PHACTR2: variants seen among roughly 807,000 people sequenced by gnomAD.
PHACTR2 encodes the protein phosphatase and actin regulator 2.
A neutral mutation model predicts 76.0 loss-of-function variants in PHACTR2; 30 were observed. That is an observed-to-expected ratio of 0.39 (90% CI 0.30 to 0.54). The LOEUF is 0.54. Ranked by LOEUF, PHACTR2 falls within the 20% of genes least tolerant of loss-of-function variation. The pLI is 0.61. For synonymous variants in PHACTR2, 292 were observed against 292.5 expected (o/e 1.00, Z 0.02); for missense variants, 696 against 781.1 (o/e 0.89, Z 1.30).
chr6:143,576,252 C>T (rs1775506510), intron 1 of PHACTR2, among the ~76,000 whole-genome samples: 1 of 152,162 alleles, frequency 6.6e-6, no homozygotes, highest in Admixed American at 6.5e-5. Flanking sequence ...GGAAGAGATG[C>T]TGCTGTATAA....
chr6:143,630,077 A>C (rs1170910948), intron 1 of PHACTR2, among the ~76,000 whole-genome samples: 1 of 151,726 alleles, frequency 6.6e-6, no homozygotes, highest in African/African-American at 2.4e-5. Flanking sequence ...TGGATACATG[A>C]CCAAAATAAC....
chr6:143,605,559 G>A (rs892020364), upstream of PHACTR2, among the ~76,000 whole-genome samples: 2 of 152,164 alleles, frequency 1.3e-5, no homozygotes, highest in Admixed American at 1.3e-4. The surrounding 1 kb of genome is among the most constrained non-coding windows in gnomAD (Gnocchi z 5.0). Context: ...ACAGAGGAGG[G>A]GCAGTGGTGG....
intron 12 of PHACTR2, among the ~76,000 whole-genome samples, chr6:143,813,512 A>G (rs1008708078): frequency 2.6e-5 from 4 of 151,014 alleles, no homozygotes; most frequent in Non-Finnish European, 5.9e-5. Context: ...CAGCTACTCC[A>G]GAGGCTGAGG....
chr6:143,687,808 C>T (rs1777556656), intron 1 of PHACTR2, among the ~76,000 whole-genome samples: 1 of 152,126 alleles, frequency 6.6e-6, no homozygotes. Flanking sequence ...GAAAGCTGTG[C>T]TGGTATGTGC....
rs1320792049 is a variant in PHACTR2, at chr6:143,597,653, G to C, written c.217+60446G>C. 6.6e-6 allele frequency among the ~76,000 whole-genome samples: 1 copy of C among 152,074 alleles called. No homozygotes were observed. Among genetic ancestry groups the C allele is most frequent in the Non-Finnish European group, 1.5e-5 (1 of 68,014 alleles). ...TGATTCCCCCTTCAAACAATACATG[G>C]TTCCATTTGTGTTCTAGCATAGAGG... On this transcript the variant is annotated intron_variant, in intron 1 of 11. Coordinates refer to the PHACTR2 transcript ENST00000367584. This position sits in a 1 kb window ranked among gnomAD's most constrained non-coding sequence, Gnocchi z 5.7.
Position 143,633,819 on chromosome 6 carries a change from G to T in PHACTR2, c.13+25497G>T, listed in dbSNP as rs1230136946. On this transcript the variant is annotated intron_variant, in intron 1 of 11. Coordinates refer to the PHACTR2 transcript ENST00000305766. This position sits in a 1 kb window ranked among gnomAD's most constrained non-coding sequence, Gnocchi z 4.1. The stretch of plus-strand genomic sequence containing the variant: ...TAATCGATTTTGATATTTTATAAAG[G>T]TCTCTGTCTAGATTCATTTTTTCGC... 6.6e-6 allele frequency among the ~76,000 whole-genome samples: 1 copy of T among 152,028 alleles called. No individual in the cohort carries two copies. Among genetic ancestry groups the T allele is most frequent in the African/African-American group, 2.4e-5 (1 of 41,394 alleles).
chr6:143,759,628 GA>G (rs35602024), intron 4 of PHACTR2, among the ~76,000 whole-genome samples: 16,812 of 108,476 alleles, frequency 0.15, 962 homozygotes, highest in Middle Eastern at 0.26. Flanking sequence ...GACCCTATCT[GA>G]AAAAAAAAAA....
At chr6:143,808,038 C>G (rs75201597) in intron 12 of PHACTR2, among the ~76,000 whole-genome samples, 4,301 of 152,246 alleles carry the variant, frequency 0.028, 116 homozygotes, top group Non-Finnish European at 0.036. Flanking sequence ...TCTTGTGTGC[C>G]AGAGAAACTC....
chr6:143,829,412 T>TA lies in PHACTR2; in HGVS notation c.*5725dup, dbSNP rs1452647258. On this transcript the variant is annotated 3_prime_UTR_variant, in exon 13 of 13. Transcript: ENST00000440869. ...CAAATGAATCACCTGCTTATCCTAT[T>TA]AACGAAGCATTTAATTCACACACAA... The TA allele has an allele frequency of 2.6e-5, 4 of 152,260 alleles. No homozygotes were observed. The highest frequency in any genetic ancestry group is 7.2e-5 in the African/African-American group (3 of 41,550). 9.4% of individuals were successfully genotyped at this position (152,260 alleles called of 1,614,324 possible).
intron 2 of PHACTR2, among the ~76,000 whole-genome samples, chr6:143,725,820 C>CAAAAA (rs35596471): frequency 1.1e-4 from 14 of 132,064 alleles, no homozygotes; most frequent in African/African-American, 4.0e-4. Flanking sequence ...GACTCTGTCT[C>CAAAAA]AAAAAAAAAA....
chr6:143,593,595 G>A (rs1021259687), intron 1 of PHACTR2, among the ~76,000 whole-genome samples: 1 of 152,132 alleles, frequency 6.6e-6, no homozygotes, highest in Non-Finnish European at 1.5e-5. Flanking sequence ...AGCAATTTAA[G>A]TAAAACCTAA....
chr6:143,766,639 T>C lies in PHACTR2; in HGVS notation c.1232+841T>C, dbSNP rs146212863. Among the ~76,000 whole-genome samples the C allele has an allele frequency of 2.6e-4, 40 of 152,294 alleles. No homozygotes were observed. The East Asian group carries it at 7.5e-3, about 29-fold the overall frequency. ...CATTTAAGAAGGTACCTGAACAAAA[T>C]GGGCCAAGGAACTCAATGTTACCTC... On this transcript the variant is annotated intron_variant, in intron 6 of 12. Transcript: ENST00000440869.
At chr6:143,630,813 C>G (rs1156821373) in intron 1 of PHACTR2, among the ~76,000 whole-genome samples, 1 of 152,188 alleles carries the variant, frequency 6.6e-6, no homozygotes, top group Non-Finnish European at 1.5e-5. Context: ...TGGTATGGAT[C>G]AGCCTTTGGA....
At chr6:143,740,644 G>T (rs920673881) in intron 2 of PHACTR2, among the ~76,000 whole-genome samples, 1 of 152,200 alleles carries the variant, frequency 6.6e-6, no homozygotes, top group Non-Finnish European at 1.5e-5. Flanking sequence ...GGGAGGCGGG[G>T]TGAGAGTGAG....
chr6:143,822,173 A>G lies in PHACTR2; in HGVS notation c.1923-1501A>G, dbSNP rs1297366407. Among the ~76,000 whole-genome samples the G allele has an allele frequency of 6.6e-6, 1 of 152,072 alleles. No homozygotes were observed. ...CTTACTTGCTACTCCAGGAACTTTAAATTTTATTTTGTTGGCTTTCTTATT... is the reference window on the plus strand; with the variant it reads ...CTTACTTGCTACTCCAGGAACTTTAGATTTTATTTTGTTGGCTTTCTTATT... On this transcript the variant is annotated intron_variant, in intron 12 of 12. Transcript: ENST00000440869. The surrounding 1 kb of genome is among the most constrained non-coding windows in gnomAD (Gnocchi z 5.5).
At chr6:143,762,490 C>T (rs922777710) in intron 5 of PHACTR2, among the ~76,000 whole-genome samples, 4 of 152,144 alleles carry the variant, frequency 2.6e-5, no homozygotes, top group African/African-American at 7.2e-5. Flanking sequence ...ACAGGGGTTG[C>T]ACTTAAGTAC....
At position 143,695,810 on chromosome 6, in the gene PHACTR2, A is replaced by G. The variant is rs1190866590; in HGVS notation, c.47-16206A>G. On this transcript the variant is annotated intron_variant, in intron 1 of 12. Coordinates refer to ENST00000440869, the MANE Select transcript of PHACTR2 (RefSeq NM_001100164.2). The surrounding 1 kb of genome is among the most constrained non-coding windows in gnomAD (Gnocchi z 4.4). The stretch of plus-strand genomic sequence containing the variant: ...CTTTCTTTTCTCTTTAGATTGTGAC[A>G]TTAGGCACATGTGGAAACAACAGTA... Among the ~76,000 whole-genome samples, 1 of 152,186 alleles carries G rather than the reference A, an allele frequency of 6.6e-6. No individual in the cohort carries two copies. Among genetic ancestry groups the G allele is most frequent in the Non-Finnish European group, 1.5e-5 (1 of 68,016 alleles).
At chr6:143,545,921 G>A (rs1328375041) in intron 1 of PHACTR2, among the ~76,000 whole-genome samples, 2 of 152,168 alleles carry the variant, frequency 1.3e-5, no homozygotes, top group African/African-American at 2.4e-5. Context: ...TGACTTACTC[G>A]TGATGGAGTG....
At chr6:143,790,498 C>T (rs1775657098) in intron 11 of PHACTR2, among the ~76,000 whole-genome samples, 1 of 151,988 alleles carries the variant, frequency 6.6e-6, no homozygotes, top group Non-Finnish European at 1.5e-5. Context: ...TTTTACTTTG[C>T]CTTTCGTTCA....
Sources: allele counts gnomAD v4.1 joint callset (sites outside exome capture counted in the v4.1 genomes callset), GRCh38; gene constraint gnomAD v4.1.1; non-coding constraint Gnocchi (gnomAD v3.1); transcripts MANE v1.5; gene names NCBI Gene and HGNC (gene_info 2026-07-23, HGNC 2026-07-21).